The following MALRD1 variants were observed in gnomAD, a reference collection of about 807,000 sequenced individuals.
MALRD1 encodes the protein MAM and LDL receptor class A domain containing 1.
In MALRD1, 247 loss-of-function variants were observed where a neutral mutation model predicts 242.1. That is an observed-to-expected ratio of 1.02 (90% CI 0.92 to 1.13). The LOEUF is 1.13. Ranked by LOEUF, MALRD1 falls within the 50% of genes most tolerant of loss-of-function variation. The probability of loss-of-function intolerance (pLI) is 0.00; values close to 1 mark genes in which losing one functional copy is unlikely to be tolerated. For missense variants in MALRD1, 2,989 were observed against 2,533.1 expected (o/e 1.18, Z -3.86); for synonymous variants, 995 against 866.6 (o/e 1.15, Z -2.60).
intron 5 of MALRD1, among the ~76,000 whole-genome samples, chr10:19,114,442 GC>G (rs2131361262): frequency 6.6e-6 from 1 of 152,120 alleles, no homozygotes; most frequent in East Asian, 1.9e-4. Flanking sequence ...TTCGAGACCA[GC>G]CTGGCCAACA....
At chr10:19,230,391 G>T (rs938700699) in intron 18 of MALRD1, among the ~76,000 whole-genome samples, 1 of 152,044 alleles carries the variant, frequency 6.6e-6, no homozygotes, top group Non-Finnish European at 1.5e-5. Flanking sequence ...TGCTTCCAGG[G>T]GGGGCCTCAG....
intron 36 of MALRD1, among the ~76,000 whole-genome samples, chr10:19,629,156 AC>A (rs1385151980): frequency 6.6e-6 from 1 of 152,312 alleles, no homozygotes; most frequent in East Asian, 1.9e-4. Flanking sequence ...ATATGTTTGT[AC>A]ACTTAGCTAT....
chr10:19,203,368 C>A (rs1213622607), intron 14 of MALRD1, among the ~76,000 whole-genome samples: 2 of 152,148 alleles, frequency 1.3e-5, no homozygotes, highest in Non-Finnish European at 2.9e-5. Context: ...CCTGCAGGAA[C>A]AATGATGCCT....
Position 19,665,233 on chromosome 10 carries a change from G to C in MALRD1, c.6138-27049G>C, listed in dbSNP as rs76072568. ...AAAAGAATAATACATTTACAGAGAA[G>C]TGACAAGACAAAACAAAACAAACAA... On this transcript the variant is annotated intron_variant, in intron 36 of 39. Coordinates refer to ENST00000454679, the MANE Select transcript of MALRD1 (RefSeq NM_001142308.3). Among the ~76,000 whole-genome samples the C allele has an allele frequency of 3.0e-3, 457 of 152,216 alleles. 2 individuals are homozygous for C. Among genetic ancestry groups the C allele is most frequent in the African/African-American group, 9.8e-3 (407 of 41,564 alleles).
chr10:19,088,552 T>A (rs1250312250), intron 4 of MALRD1, among the ~76,000 whole-genome samples: 3 of 106,500 alleles, frequency 2.8e-5, no homozygotes, highest in Admixed American at 2.0e-4. Context: ...TTTTTTTTTT[T>A]ATTTTATAAA....
intron 29 of MALRD1, among the ~76,000 whole-genome samples, chr10:19,461,567 G>GGTAGGGGC (rs1214934120): frequency 6.6e-6 from 1 of 152,124 alleles, no homozygotes; most frequent in East Asian, 1.9e-4. Flanking sequence ...AGTGAGAGGG[G>GGTAGGGGC]GTAGGGGCAG....
At chr10:19,305,777 C>G (rs1051232467) in intron 21 of MALRD1, among the ~76,000 whole-genome samples, 1 of 140,378 alleles carries the variant, frequency 7.1e-6, no homozygotes, top group Non-Finnish European at 1.5e-5. Flanking sequence ...ATACACTATA[C>G]TATATATTAT....
At chr10:19,725,381 A>C (rs1472254684) in intron 38 of MALRD1, among the ~76,000 whole-genome samples, 2 of 152,026 alleles carry the variant, frequency 1.3e-5, no homozygotes, top group African/African-American at 2.4e-5. Context: ...CCACTGTGTG[A>C]AGAAGGGCAT....
chr10:19,441,475 T>C (rs1277035094), intron 28 of MALRD1, among the ~76,000 whole-genome samples: 1 of 152,212 alleles, frequency 6.6e-6, no homozygotes, highest in Non-Finnish European at 1.5e-5. Flanking sequence ...TGGTTATAGG[T>C]CTAACATTTA....
chr10:19,592,154 G>A (rs1837822068), intron 33 of MALRD1, among the ~76,000 whole-genome samples: 1 of 152,174 alleles, frequency 6.6e-6, no homozygotes. Context: ...TATAAGTCAG[G>A]TTCCCTGGGA....
At chr10:19,719,203 T>TATATAC (rs1554830401) in intron 38 of MALRD1, among the ~76,000 whole-genome samples, 12 of 98,302 alleles carry the variant, frequency 1.2e-4, no homozygotes, top group African/African-American at 5.7e-4. Context: ...TACATATATA[T>TATATAC]ATATATATAC....
chr10:19,373,358 C>CA (rs991310798), intron 26 of MALRD1, among the ~76,000 whole-genome samples: 73 of 151,730 alleles, frequency 4.8e-4, no homozygotes, highest in African/African-American at 1.5e-3. Context: ...GAAACAACAA[C>CA]AAAAAAATGT....
chr10:19,567,422 C>G, intron 32 of MALRD1, 80 bp from the exon 33 acceptor site: 1 of 1,219,570 alleles, frequency 8.2e-7, no homozygotes, highest in Non-Finnish European at 1.2e-6. Flanking sequence ...CCAGAGATTT[C>G]ATTCTTTCAT....
At chr10:19,172,522 G>T (rs1336665462) in intron 13 of MALRD1, among the ~76,000 whole-genome samples, 1 of 151,294 alleles carries the variant, frequency 6.6e-6, no homozygotes, top group Non-Finnish European at 1.5e-5. Context: ...GAACCTGGTG[G>T]GTCCCTTCAG....
chr10:19,138,761 T>G lies in MALRD1; in HGVS notation c.1411+1980T>G, dbSNP rs1033082278. ...GCTTAGCTTTTTCCCCTCCATTGTA[T>G]TCCCCGTAGTAAATCATACTTTATG... On this transcript the variant is annotated intron_variant, in intron 10 of 39. Coordinates refer to ENST00000454679, the MANE Select transcript of MALRD1 (RefSeq NM_001142308.3). 3.9e-5 allele frequency among the ~76,000 whole-genome samples: 6 copies of G among 152,252 alleles called. No homozygotes were observed. The South Asian group carries it at 1.2e-3, about 32-fold the overall frequency.
At chr10:19,647,391 C>T (rs10827736) in intron 36 of MALRD1, among the ~76,000 whole-genome samples, 1 of 152,098 alleles carries the variant, frequency 6.6e-6, no homozygotes, top group South Asian at 2.1e-4. Context: ...GCTTACCACG[C>T]CCAGTCTCCT....
At chr10:19,716,335 A>T (rs1488782598) in intron 38 of MALRD1, among the ~76,000 whole-genome samples, 1 of 152,002 alleles carries the variant, frequency 6.6e-6, no homozygotes, top group Non-Finnish European at 1.5e-5. Context: ...GATTAGCACC[A>T]TCCCCCCCAG....
At chr10:19,614,756 C>T (rs1839062093) in intron 35 of MALRD1, among the ~76,000 whole-genome samples, 1 of 151,950 alleles carries the variant, frequency 6.6e-6, no homozygotes, top group Non-Finnish European at 1.5e-5. Context: ...TAGAGAGTGA[C>T]ACAAGCAGTG....
intron 28 of MALRD1, among the ~76,000 whole-genome samples, chr10:19,392,005 A>G (rs1039100166): frequency 3.3e-5 from 5 of 152,344 alleles, no homozygotes; most frequent in African/African-American, 7.2e-5. Context: ...CTGAAGAAGC[A>G]TCTGTCATCT....
Sources: allele counts gnomAD v4.1 joint callset (sites outside exome capture counted in the v4.1 genomes callset), GRCh38; gene constraint gnomAD v4.1.1; transcripts MANE v1.5; gene names NCBI Gene and HGNC (gene_info 2026-07-23, HGNC 2026-07-21).